The following CNTNAP2 variants were observed in gnomAD, a reference collection of about 807,000 sequenced individuals.
CNTNAP2 encodes the protein contactin associated protein 2, also known as contactin-associated protein-like 2.
In CNTNAP2, 98 loss-of-function variants were observed where a neutral mutation model predicts 155.2. The ratio of observed to expected loss-of-function variants is 0.63; its 90% confidence interval spans 0.54 to 0.75. The LOEUF (loss-of-function observed/expected upper bound fraction) is 0.75. Ranked by LOEUF, CNTNAP2 falls within the 30% of genes least tolerant of loss-of-function variation. The probability of loss-of-function intolerance (pLI) is 0.00; values close to 1 mark genes in which losing one functional copy is unlikely to be tolerated. For synonymous variants in CNTNAP2, 651 were observed against 631.2 expected (o/e 1.03, Z -0.47); for missense variants, 1,727 against 1,688.1 (o/e 1.02, Z -0.40).
intron 1 of CNTNAP2, among the ~76,000 whole-genome samples, chr7:146,369,029 GTATATATA>G (rs71525943): frequency 0.039 from 5,404 of 137,344 alleles, 353 homozygotes; most frequent in African/African-American, 0.14. Flanking sequence ...AAAGCATTAT[GTATATATA>G]TATATATATA....
At position 148,420,577 on chromosome 7, in the gene CNTNAP2, C is replaced by T. The variant is rs1800092189; in HGVS notation, c.*4961C>T. ...AGATAAAATTGTGCTATAAGAACAG[C>T]TCTACCAAGACAGTCTGCACCATTT... On this transcript the variant is annotated 3_prime_UTR_variant, in exon 24 of 24. Coordinates refer to ENST00000361727, the MANE Select transcript of CNTNAP2 (RefSeq NM_014141.6). 6.6e-6 allele frequency: 1 copy of T among 152,246 alleles called. No individual in the cohort carries two copies. Among genetic ancestry groups the T allele is most frequent in the Admixed American group, 6.5e-5 (1 of 15,286 alleles). The allele number at this position is 152,246 out of a possible 1,614,324, so 9.4% of individuals were successfully genotyped here. A position where few individuals can be genotyped will look rare whatever the true frequency, so the allele number is the denominator to read the frequency against.
intron 8 of CNTNAP2, among the ~76,000 whole-genome samples, chr7:147,247,391 G>A (rs142292610): frequency 4.6e-5 from 7 of 152,200 alleles, no homozygotes; most frequent in African/African-American, 1.4e-4. Context: ...TGGCACCATA[G>A]AATAATGGCC....
chr7:147,072,655 G>A (rs533196488), intron 4 of CNTNAP2, among the ~76,000 whole-genome samples: 5 of 152,058 alleles, frequency 3.3e-5, no homozygotes, highest in Non-Finnish European at 7.3e-5. Context: ...CATGTGGGCT[G>A]TGGTGGAAAA....
rs138534629 is a variant in CNTNAP2 at position 148,094,199 on chromosome 7, C to T, written c.2384-23919C>T. Among the ~76,000 whole-genome samples, 8 of 152,304 alleles carry T rather than the reference C, an allele frequency of 5.3e-5. No homozygotes were observed. The East Asian group carries it at 9.7e-4, about 18-fold the overall frequency. On this transcript the variant is annotated intron_variant, in intron 15 of 23. Transcript: ENST00000361727. ...CAAGTTACTTAATTTCTCTATAAGC[C>T]TCAATGGCTTCATCTGCAAAGGAGA...
chr7:146,936,566 G>A (rs1796918910), intron 3 of CNTNAP2, among the ~76,000 whole-genome samples: 1 of 152,330 alleles, frequency 6.6e-6, no homozygotes, highest in Non-Finnish European at 1.5e-5. Flanking sequence ...CAAACTAACT[G>A]TGGCCTAAGA....
intron 3 of CNTNAP2, 42 bp from the exon 4 acceptor site, chr7:147,043,865 A>C: frequency 6.2e-7 from 1 of 1,610,036 alleles, no homozygotes; most frequent in Non-Finnish European, 8.5e-7. Flanking sequence ...ATTGTTTCTA[A>C]AGTATTTTTC....
chr7:147,822,243 T>A (rs1798373606), intron 13 of CNTNAP2, among the ~76,000 whole-genome samples: 1 of 152,028 alleles, frequency 6.6e-6, no homozygotes, highest in Admixed American at 6.6e-5. Flanking sequence ...AATAAAGAAG[T>A]GAAGAAAGAA....
chr7:147,002,292 G>A (rs1193805807), intron 3 of CNTNAP2, among the ~76,000 whole-genome samples: 1 of 152,022 alleles, frequency 6.6e-6, no homozygotes, highest in Non-Finnish European at 1.5e-5. Context: ...TAAAATGAAG[G>A]TTCTGCAGCT....
chr7:146,463,178 A>C (rs963269372), intron 1 of CNTNAP2, among the ~76,000 whole-genome samples: 4 of 152,162 alleles, frequency 2.6e-5, no homozygotes, highest in African/African-American at 7.2e-5. Flanking sequence ...AGTGATGAAT[A>C]CAAGAAGAGA....
In CNTNAP2 at chr7:148,326,912, G is replaced by A. The variant is rs113094651; in HGVS notation, c.3476-56737G>A. On this transcript the variant is annotated intron_variant, in intron 21 of 23. Coordinates refer to ENST00000361727, the MANE Select transcript of CNTNAP2 (RefSeq NM_014141.6). ...AAATGGAATGAAGAACCTCTGTAGG[G>A]CTGTGTTGATTTAAGGCAGATGTGG... Among the ~76,000 whole-genome samples the A allele has an allele frequency of 1.6e-3, 237 of 152,004 alleles. 1 individual carries two copies. Among genetic ancestry groups the A allele is most frequent in the African/African-American group, 5.6e-3 (232 of 41,478 alleles).
At chr7:146,856,313 C>T (rs147123045) in intron 3 of CNTNAP2, among the ~76,000 whole-genome samples, 2 of 148,278 alleles carry the variant, frequency 1.3e-5, no homozygotes, top group Non-Finnish European at 3.0e-5. Flanking sequence ...TACATACATA[C>T]ATACATACAT....
intron 11 of CNTNAP2, among the ~76,000 whole-genome samples, chr7:147,531,604 C>CG (rs1228810426): frequency 6.6e-6 from 1 of 152,136 alleles, no homozygotes; most frequent in East Asian, 1.9e-4. Flanking sequence ...GCACGTAGCA[C>CG]GGGGAACCTG....
chr7:146,644,549 C>T (rs891224374), intron 1 of CNTNAP2, among the ~76,000 whole-genome samples: 4 of 151,970 alleles, frequency 2.6e-5, no homozygotes, highest in African/African-American at 9.7e-5. Flanking sequence ...CTGCTGGATT[C>T]GGTTTGCCAG....
intron 1 of CNTNAP2, among the ~76,000 whole-genome samples, chr7:146,168,443 G>A (rs1331955705): frequency 6.6e-6 from 1 of 152,086 alleles, no homozygotes; most frequent in African/African-American, 2.4e-5. Context: ...TACAGATAAT[G>A]TAAGGACAGA....
At chr7:148,111,123 A>G (rs1483129411) in intron 15 of CNTNAP2, among the ~76,000 whole-genome samples, 1 of 152,176 alleles carries the variant, frequency 6.6e-6, no homozygotes, top group Non-Finnish European at 1.5e-5. Context: ...GATTGCAGTC[A>G]GCTGTCTAGT....
intron 11 of CNTNAP2, among the ~76,000 whole-genome samples, chr7:147,546,695 T>G (rs1295513089): frequency 6.6e-6 from 1 of 152,154 alleles, no homozygotes; most frequent in Non-Finnish European, 1.5e-5. Flanking sequence ...GAAAAGCCAA[T>G]ACAACAGTGC....
intron 1 of CNTNAP2, among the ~76,000 whole-genome samples, chr7:146,429,063 A>G (rs770254112): frequency 9.9e-5 from 15 of 151,894 alleles, no homozygotes; most frequent in South Asian, 2.1e-4. Context: ...TGAGTTCTCT[A>G]TTATGTTCCA....
At chr7:147,534,380 G>T (rs1434657394) in intron 11 of CNTNAP2, among the ~76,000 whole-genome samples, 1 of 152,158 alleles carries the variant, frequency 6.6e-6, no homozygotes, top group Non-Finnish European at 1.5e-5. Flanking sequence ...TGGTCCCAGT[G>T]CCACTTAGAA....
intron 1 of CNTNAP2, among the ~76,000 whole-genome samples, chr7:146,186,237 A>G (rs1311463624): frequency 2.6e-5 from 4 of 152,146 alleles, no homozygotes; most frequent in East Asian, 1.9e-4. Flanking sequence ...AATGCCCCCA[A>G]TAAAGAATAG....
Sources: allele counts gnomAD v4.1 joint callset (sites outside exome capture counted in the v4.1 genomes callset), GRCh38; gene constraint gnomAD v4.1.1; transcripts MANE v1.5; gene names NCBI Gene and HGNC (gene_info 2026-07-23, HGNC 2026-07-21).